Variants in CSMD3 observed in about 807,000 individuals in gnomAD.
CSMD3 encodes the protein CUB and sushi domain-containing protein 3.
In CSMD3, 177 loss-of-function variants were observed where a neutral mutation model predicts 435.2. That is an observed-to-expected ratio of 0.41 (90% confidence interval 0.36 to 0.46). CSMD3 has a LOEUF of 0.46. CSMD3 is among the 20% of genes least tolerant of loss of function. The pLI is 0.34. For synonymous variants in CSMD3, 1,656 were observed against 1,520.5 expected, an observed-to-expected ratio of 1.09 and a Z score of -2.07; for missense variants, 4,265 against 4,504.6, an observed-to-expected ratio of 0.95 and a Z score of 1.52.
intron 12 of CSMD3, among the ~76,000 whole-genome samples, chr8:112,807,414 A>G (rs2079115608): frequency 6.6e-6 from 1 of 152,098 alleles, no homozygotes; most frequent in African/African-American, 2.4e-5. Context: ...ACATTTTGAA[A>G]GCTTATGCTT....
intron 6 of CSMD3, among the ~76,000 whole-genome samples, chr8:112,981,147 T>C (rs1010600883): frequency 4.6e-5 from 7 of 151,436 alleles, no homozygotes; most frequent in Non-Finnish European, 1.0e-4. Flanking sequence ...GATTAAAATC[T>C]TAAAATATAT....
At chr8:112,641,362 T>C (rs1032633888) in intron 20 of CSMD3, among the ~76,000 whole-genome samples, 3 of 152,154 alleles carry the variant, frequency 2.0e-5, no homozygotes, top group African/African-American at 7.2e-5. Context: ...TTCTAGTCAT[T>C]ATAGAATATA....
Position 112,847,721 on chromosome 8 carries a change from G to T in CSMD3, c.1755+11424C>A, listed in dbSNP as rs560210960. ...CAAATCTCCAAATATTTGGCGCAAA[G>T]AACTAGTACCTATAAATGGGCTGAC... On this transcript the variant is annotated intron_variant, in intron 11 of 70. Coordinates refer to ENST00000297405, the MANE Select transcript of CSMD3 (RefSeq NM_198123.2). 2.6e-5 allele frequency among the ~76,000 whole-genome samples: 4 copies of T among 152,188 alleles called. No homozygotes were observed. In the East Asian group the frequency reaches 7.7e-4, roughly 29 times the overall value.
intron 17 of CSMD3, 128 bp downstream of exon 17, chr8:112,666,149 A>G: frequency 1.3e-6 from 1 of 773,004 alleles, no homozygotes. Context: ...AAACAGATGG[A>G]AGCATTCAAA....
chr8:113,106,242 G>T (rs759898576), intron 4 of CSMD3, among the ~76,000 whole-genome samples: 1 of 151,768 alleles, frequency 6.6e-6, no homozygotes, highest in Non-Finnish European at 1.5e-5. Context: ...ACTGAACTCA[G>T]TGACCACAGT....
chr8:112,650,333 C>T lies in CSMD3; in HGVS notation c.3021G>A (p.Thr1007=), dbSNP rs761435780. 1.2e-5 allele frequency: 19 copies of T among 1,613,086 alleles called. No homozygotes were observed. Among genetic ancestry groups the T allele is most frequent in the South Asian group, 3.3e-5 (3 of 91,058 alleles). ...KIHYESVTVN[T]YSCLDPGIPV... ...GTATGCCAGGGTCCAAACAAGAATA[C>T]GTGTTCACTGTAACACCTGGAAAAC... The change falls in exon 19 of 71, where the codon ACG becomes ACA. Residue 1007 remains threonine, a synonymous_variant. Coordinates refer to ENST00000297405, the MANE Select transcript of CSMD3 (RefSeq NM_198123.2).
At chr8:112,365,314 G>A (rs769433124) in intron 38 of CSMD3, among the ~76,000 whole-genome samples, 37 of 151,758 alleles carry the variant, frequency 2.4e-4, no homozygotes, top group Non-Finnish European at 4.3e-4. Context: ...TTATTTATAT[G>A]TTAGGTAATT....
rs111758857 is a variant in CSMD3, at chr8:112,566,724, C to T, written c.4042+6777G>A. 9.8e-3 allele frequency among the ~76,000 whole-genome samples: 1,497 copies of T among 152,208 alleles called. 24 individuals carry two copies. The highest frequency in any genetic ancestry group is 0.035 in the African/African-American group (1,445 of 41,540). On this transcript the variant is annotated intron_variant, in intron 24 of 70. Transcript: ENST00000297405. Reference sequence around the variant, plus strand: ...GGCATGTTCAAAATGGTGGCTCCTTCTTCTCTTCTCTTTGCCAGCCATGCA... The same window carrying T: ...GGCATGTTCAAAATGGTGGCTCCTTTTTCTCTTCTCTTTGCCAGCCATGCA...
At chr8:112,525,904 TG>T (rs1275598941) in intron 27 of CSMD3, among the ~76,000 whole-genome samples, 1 of 141,990 alleles carries the variant, frequency 7.0e-6, no homozygotes, top group African/African-American at 2.6e-5. Context: ...ATTTTATATA[TG>T]TATATATATT....
chr8:112,281,291 T>C lies in CSMD3; in HGVS notation c.9391A>G (p.Thr3131Ala). The C allele has an allele frequency of 6.2e-7, 1 of 1,613,522 alleles. No homozygotes were observed. Among genetic ancestry groups the C allele is most frequent in the Non-Finnish European group, 8.5e-7 (1 of 1,179,620 alleles). ...ANGKVFRIDG[T>A]TFSSSVIYSC... is the part of the protein sequence containing the mutation. Reference sequence around the variant, plus strand: ...TAAATGACTGAACTAGAAAATGTTGTGCCATCAATTCGGAAGACTTTCCCA... The same window carrying C: ...TAAATGACTGAACTAGAAAATGTTGCGCCATCAATTCGGAAGACTTTCCCA... Residue 3131 changes from threonine (T) to alanine (A), a missense_variant, in exon 59 of 71, where the codon ACA becomes GCA. Thr to Ala is a moderately conservative substitution (Grantham distance 58). Transcript: ENST00000297405.
intron 24 of CSMD3, among the ~76,000 whole-genome samples, chr8:112,560,231 T>C (rs932722646): frequency 4.6e-5 from 7 of 151,898 alleles, no homozygotes; most frequent in Non-Finnish European, 1.0e-4. Context: ...TAGGAGTCTT[T>C]CCTAGTCTCT....
chr8:112,501,175 G>A (rs1586533687), intron 30 of CSMD3, among the ~76,000 whole-genome samples: 1 of 150,932 alleles, frequency 6.6e-6, no homozygotes, highest in African/African-American at 2.4e-5. Flanking sequence ...TAATCTTCTT[G>A]GCGCCAAATG....
At chr8:113,214,874 T>C (rs1375590723) in intron 3 of CSMD3, among the ~76,000 whole-genome samples, 1 of 151,858 alleles carries the variant, frequency 6.6e-6, no homozygotes, top group Non-Finnish European at 1.5e-5. Flanking sequence ...GTTTCAGGTA[T>C]TTTAAAATTA....
At chr8:112,749,039 G>T (rs761312992) in intron 13 of CSMD3, among the ~76,000 whole-genome samples, 1 of 152,126 alleles carries the variant, frequency 6.6e-6, no homozygotes, top group Non-Finnish European at 1.5e-5. Flanking sequence ...CATTCTGACT[G>T]GTGTGAGATA....
At chr8:113,423,671 A>G (rs2094620419) in intron 1 of CSMD3, among the ~76,000 whole-genome samples, 1 of 151,944 alleles carries the variant, frequency 6.6e-6, no homozygotes, top group Non-Finnish European at 1.5e-5. Flanking sequence ...AAACCAAATC[A>G]GCATGTAATG....
At chr8:112,934,733 G>A (rs2083224282) in intron 9 of CSMD3, among the ~76,000 whole-genome samples, 1 of 151,030 alleles carries the variant, frequency 6.6e-6, no homozygotes, top group African/African-American at 2.4e-5. Context: ...TGGGAGCCTG[G>A]AAAAAAAAAT....
intron 3 of CSMD3, among the ~76,000 whole-genome samples, chr8:113,270,642 G>A (rs1026317789): frequency 3.9e-5 from 6 of 152,084 alleles, no homozygotes; most frequent in Non-Finnish European, 7.3e-5. Context: ...ATACTATGCA[G>A]CCATAAAAAA....
rs2131665100 is a variant in CSMD3 at position 113,127,543 on chromosome 8, A to T, written c.710-28580T>A. Among the ~76,000 whole-genome samples the T allele has an allele frequency of 1.3e-5, 2 of 151,988 alleles. 1 individual carries two copies. Among genetic ancestry groups the T allele is most frequent in the Non-Finnish European group, 2.9e-5 (2 of 67,932 alleles). On this transcript the variant is annotated intron_variant, in intron 4 of 70. Coordinates refer to ENST00000297405, the MANE Select transcript of CSMD3 (RefSeq NM_198123.2). Reference sequence around the variant, plus strand: ...TTCCCCAATACCTAAGTCACCAGCAAGTCCTACTCATTCTATCCTCAATAA... The same window carrying T: ...TTCCCCAATACCTAAGTCACCAGCATGTCCTACTCATTCTATCCTCAATAA...
At chr8:112,766,408 CTG>C (rs1233279557) in intron 13 of CSMD3, among the ~76,000 whole-genome samples, 1 of 151,410 alleles carries the variant, frequency 6.6e-6, no homozygotes, top group African/African-American at 2.4e-5. Context: ...TCATAATTTG[CTG>C]TGTCTTTCTT....
Sources: allele counts gnomAD v4.1 joint callset (sites outside exome capture counted in the v4.1 genomes callset), GRCh38; gene constraint gnomAD v4.1.1; transcripts MANE v1.5; gene names NCBI Gene and HGNC (gene_info 2026-07-23, HGNC 2026-07-21).